Variants in ABAT observed in about 807,000 individuals in gnomAD.
The protein encoded by ABAT is 4-aminobutyrate aminotransferase, mitochondrial.
A neutral mutation model predicts 64.6 loss-of-function variants in ABAT; 45 were observed. The ratio of observed to expected loss-of-function variants is 0.70; its 90% CI spans 0.55 to 0.89. The LOEUF is 0.89. Among genes scored for constraint, ABAT ranks in the 40% least tolerant of loss-of-function variants. The pLI is 0.00. For synonymous variants in ABAT, 297 were observed against 250.5 expected, an observed-to-expected ratio of 1.19 and a Z score of -1.75; for missense variants, 633 against 658.4, an observed-to-expected ratio of 0.96 and a Z score of 0.42.
intron 1 of ABAT, among the ~76,000 whole-genome samples, chr16:8,678,375 G>A (rs2057253499): frequency 6.6e-6 from 1 of 152,188 alleles, no homozygotes; most frequent in Admixed American, 6.6e-5. Flanking sequence ...ACAGGAATAA[G>A]CCACAGCACC....
At position 8,693,181 on chromosome 16, in the gene ABAT, A is replaced by C. The variant is rs149532938; in HGVS notation, c.-42+18470A>C. Among the ~76,000 whole-genome samples, 12 of 152,260 alleles carry C rather than the reference A, an allele frequency of 7.9e-5. No homozygotes were observed. The East Asian group carries it at 2.1e-3, about 27-fold the overall frequency. ...CCATGTGTAACTTTTGACTCCCCAA[A>C]AACTTTACTACTAATAGCATCCGGC... On this transcript the variant is annotated intron_variant, in intron 1 of 15. Transcript: ENST00000268251.
At chr16:8,696,492 C>A (rs867878053) in intron 1 of ABAT, among the ~76,000 whole-genome samples, 5 of 152,014 alleles carry the variant, frequency 3.3e-5, no homozygotes. Context: ...GGGTGGTGCA[C>A]GCCTGTAATC....
At chr16:8,778,726 G>T (rs568372101) in intron 14 of ABAT, among the ~76,000 whole-genome samples, 1 of 150,826 alleles carries the variant, frequency 6.6e-6, no homozygotes, top group East Asian at 1.9e-4. Context: ...GCAGTGAGCC[G>T]AGATAGTGCC....
At chr16:8,676,213 A>T (rs534504147) in intron 1 of ABAT, among the ~76,000 whole-genome samples, 108 of 152,298 alleles carry the variant, frequency 7.1e-4, no homozygotes, top group African/African-American at 2.5e-3. Flanking sequence ...TAAATGGTCC[A>T]GTCTGGAGTC....
chr16:8,729,366 A>G (rs1370556147), intron 1 of ABAT, among the ~76,000 whole-genome samples: 2 of 152,204 alleles, frequency 1.3e-5, no homozygotes, highest in African/African-American at 4.8e-5. Context: ...TACAATGCAT[A>G]GAGGCAGGGG....
intron 3 of ABAT, 95 bp from the exon 4 acceptor site, chr16:8,748,013 A>C: frequency 7.9e-7 from 1 of 1,260,464 alleles, no homozygotes; most frequent in Non-Finnish European, 1.1e-6. Context: ...TGGCAAAAGA[A>C]AAAAATGCCA....
At chr16:8,753,767 A>AG (rs373117306) in intron 5 of ABAT, among the ~76,000 whole-genome samples, 164 of 152,294 alleles carry the variant, frequency 1.1e-3, no homozygotes, top group African/African-American at 3.8e-3. Flanking sequence ...GGGGAGTGCC[A>AG]GGGATGAATG....
At chr16:8,735,952 C>G in intron 2 of ABAT, 143 bp downstream of exon 2, 1 of 709,118 alleles carries the variant, frequency 1.4e-6, no homozygotes, top group Non-Finnish European at 2.4e-6. Flanking sequence ...TTAGTCTGTT[C>G]TCATGCTGCT....
At chr16:8,778,279 T>C (rs2060324788) in intron 14 of ABAT, among the ~76,000 whole-genome samples, 1 of 152,202 alleles carries the variant, frequency 6.6e-6, no homozygotes, top group Middle Eastern at 3.2e-3. Context: ...GGCCAGGGTC[T>C]GAAATCAAGG....
chr16:8,739,291 A>G (rs1731024), intron 2 of ABAT, among the ~76,000 whole-genome samples: 151,108 of 152,362 alleles, frequency 0.99, 74,939 homozygotes, highest in East Asian at 1. Context: ...ATGTGATTGG[A>G]TTGCTACCTT....
chr16:8,771,559 C>T (rs1161567551), intron 11 of ABAT, among the ~76,000 whole-genome samples: 1 of 150,458 alleles, frequency 6.6e-6, no homozygotes, highest in African/African-American at 2.5e-5. Flanking sequence ...ACTTCTACCT[C>T]CTGGGTTCAA....
chr16:8,733,632 C>G (rs11866675), intron 1 of ABAT, among the ~76,000 whole-genome samples: 4,168 of 151,962 alleles, frequency 0.027, 359 homozygotes, highest in African/African-American at 0.094. Context: ...GGGCTGGAGA[C>G]CGGCCTGGCC....
chr16:8,764,883 C>T lies in ABAT; in HGVS notation c.540+53C>T. ...CACACACAGGCTCCCCAGCACCCAG[C>T]CACACGCTCACCCCTTGTCTGACTG... On this transcript the variant is annotated intron_variant, in intron 8 of 15. Transcript: ENST00000268251. This position sits in a 1 kb window ranked among gnomAD's most constrained non-coding sequence, Gnocchi z 4.2. The T allele has an allele frequency of 8.9e-6, 13 of 1,467,354 alleles. 1 individual carries two copies. The South Asian group carries it at 1.5e-4, about 17-fold the overall frequency. 90.9% of individuals were successfully genotyped at this position (1,467,354 alleles called of 1,614,324 possible).
chr16:8,741,854 A>T (rs1430252986), intron 2 of ABAT, among the ~76,000 whole-genome samples: 1 of 152,222 alleles, frequency 6.6e-6, no homozygotes, highest in Non-Finnish European at 1.5e-5. Context: ...AAGTCACTTA[A>T]CATCTCTGAT....
At chr16:8,732,620 T>C (rs1195887539) in intron 1 of ABAT, among the ~76,000 whole-genome samples, 1 of 151,600 alleles carries the variant, frequency 6.6e-6, no homozygotes, top group Non-Finnish European at 1.5e-5. Flanking sequence ...CATGTCTACT[T>C]CTTTCTACAC....
intron 10 of ABAT, 105 bp from the exon 11 acceptor site, chr16:8,768,720 G>C: frequency 2.0e-6 from 3 of 1,516,992 alleles, no homozygotes; most frequent in Non-Finnish European, 2.7e-6. Context: ...AGGCCTCCCT[G>C]CCCACTGACA....
intron 11 of ABAT, among the ~76,000 whole-genome samples, chr16:8,770,187 G>T (rs1206459353): frequency 6.6e-6 from 1 of 152,200 alleles, no homozygotes; most frequent in Non-Finnish European, 1.5e-5. Context: ...GCCCAGGCTG[G>T]AGTGCAGTGG....
chr16:8,768,771 G>C lies in ABAT; in HGVS notation c.668-54G>C, dbSNP rs1038170077. 1.2e-6 allele frequency: 2 copies of C among 1,612,410 alleles called. 1 individual carries two copies. The highest frequency in any genetic ancestry group is 3.3e-5 in the Admixed American group (2 of 59,996). ...GTCTATCATCTCCTTTACAAAGACG[G>C]TACTGCCTGCTTCCCCAAGCCAAGC... On this transcript the variant is annotated intron_variant, in intron 10 of 15. Transcript: ENST00000268251.
At position 8,776,457 on chromosome 16, in the gene ABAT, G is replaced by A. The variant is rs778198609; in HGVS notation, c.1236G>A (p.Gly412=). 4 of 1,614,146 alleles carry A rather than the reference G, an allele frequency of 2.5e-6. No individual in the cohort carries two copies. The highest frequency in any genetic ancestry group is 3.4e-6 in the Non-Finnish European group (4 of 1,180,030). Residue 412 remains glycine, a synonymous_variant, in exon 14 of 16, where the codon GGG becomes GGA. Transcript: ENST00000268251. The surrounding 1 kb of genome is among the most constrained non-coding windows in gnomAD (Gnocchi z 4.4). ...EDLLNNAAHA[G]KALLTGLLDL... ...TGCTAAATAATGCAGCCCATGCCGG[G>A]AAGGCCCTGCTCACAGGACTGCTGG...
Sources: gnomAD v4.1 joint callset for allele counts (sites outside exome capture counted in the v4.1 genomes callset) on GRCh38, gnomAD v4.1.1 for gene constraint, Gnocchi (gnomAD v3.1) non-coding constraint, MANE v1.5 for transcripts, NCBI Gene and HGNC (gene_info 2026-07-23, HGNC 2026-07-21) for gene names.